Variants in SYT2 observed in about 807,000 individuals in gnomAD.
SYT2 encodes synaptotagmin-2.
Under a neutral mutation model 39.9 loss-of-function variants are expected in SYT2, and 15 were observed. That is an observed-to-expected ratio of 0.38 (90% CI 0.25 to 0.58). The LOEUF (loss-of-function observed/expected upper bound fraction) is 0.58, where lower values mean the gene tolerates loss of function less well. SYT2 is among the 20% of genes least tolerant of loss of function. The probability of loss-of-function intolerance (pLI) is 0.70; values close to 1 mark genes in which losing one functional copy is unlikely to be tolerated. For synonymous variants in SYT2, 181 were observed against 204.5 expected (o/e 0.89, Z 0.98); for missense variants, 389 against 530.3 (o/e 0.73, Z 2.62).
intron 1 of SYT2, among the ~76,000 whole-genome samples, chr1:202,624,722 AGTAGGGTGTG>A (rs1558435757): frequency 2.5e-3 from 12 of 4,756 alleles, no homozygotes; most frequent in East Asian, 5.7e-3. Context: ...TGTGGTATGT[AGTAGGGTGTG>A]TGTGGCATGT....
chr1:202,672,778 G>GAGAGAGAGA (rs1692618126), intron 1 of SYT2, among the ~76,000 whole-genome samples: 1 of 25,946 alleles, frequency 3.9e-5, no homozygotes, highest in Non-Finnish European at 1.4e-4. Context: ...AGGGAGGGAG[G>GAGAGAGAGA]GAGAGAGAGA....
chr1:202,656,278 A>G (rs1692276101), intron 1 of SYT2, among the ~76,000 whole-genome samples: 1 of 152,204 alleles, frequency 6.6e-6, no homozygotes. Flanking sequence ...CCTGCTGGTC[A>G]TTGCTGTTGG....
At chr1:202,646,825 C>T (rs963566266) in intron 1 of SYT2, among the ~76,000 whole-genome samples, 2 of 152,148 alleles carry the variant, frequency 1.3e-5, no homozygotes, top group African/African-American at 4.8e-5. Context: ...AACTATCCCT[C>T]CCCTTCCTGA....
chr1:202,616,612 T>C (rs572115093), intron 1 of SYT2, among the ~76,000 whole-genome samples: 2 of 152,330 alleles, frequency 1.3e-5, no homozygotes, highest in African/African-American at 4.8e-5. Context: ...TCTGCTGAAG[T>C]AGCTCTTTGT....
At position 202,664,611 on chromosome 1, in the gene SYT2, A is replaced by T. The variant is rs556648268; in HGVS notation, c.-18+45647T>A. Among the ~76,000 whole-genome samples the T allele has an allele frequency of 8.5e-4, 129 of 152,324 alleles. 1 individual carries two copies. The highest frequency in any genetic ancestry group is 2.9e-3 in the African/African-American group (121 of 41,566). On this transcript the variant is annotated intron_variant, in intron 1 of 8. Coordinates refer to ENST00000367268, the MANE Select transcript of SYT2 (RefSeq NM_177402.5). ...AGTTTTGCTTGTTTGAAAATCTTAC[A>T]GGAATGGAATCATTACAGGATGTAC...
intron 1 of SYT2, among the ~76,000 whole-genome samples, chr1:202,639,160 C>G (rs1039669648): frequency 1.3e-5 from 2 of 152,120 alleles, no homozygotes; most frequent in Non-Finnish European, 2.9e-5. Flanking sequence ...TGTCTGATAC[C>G]GGGTCACCTT....
At chr1:202,597,204 G>A (rs769323384) in intron 8 of SYT2, among the ~76,000 whole-genome samples, 13 of 152,182 alleles carry the variant, frequency 8.5e-5, no homozygotes, top group Non-Finnish European at 1.6e-4. Context: ...ACCCTGTTAA[G>A]CACTTGGAGG....
Position 202,602,524 on chromosome 1 carries a change from C to T in SYT2, c.487G>A (p.Ala163Thr), listed in dbSNP as rs1419758039. The change falls in exon 5 of 9, where the codon GCT becomes ACT. Residue 163 changes from alanine (A) to threonine (T), a missense_variant. Ala to Thr is a moderately conservative substitution (Grantham distance 58). Coordinates refer to ENST00000367268, the MANE Select transcript of SYT2 (RefSeq NM_177402.5). The part of the protein sequence containing the change: ...ANQLTVGVLQ[A>T]AELPALDMGG... ...ATGTCCAGGGCAGGCAGTTCAGCAGCCTGCAGAACGCCCACAGTAAGCTGT... is the reference window on the plus strand; with the variant it reads ...ATGTCCAGGGCAGGCAGTTCAGCAGTCTGCAGAACGCCCACAGTAAGCTGT... The T allele has an allele frequency of 6.2e-7, 1 of 1,613,284 alleles. No individual in the cohort carries two copies. Among genetic ancestry groups the T allele is most frequent in the South Asian group, 1.1e-5 (1 of 91,000 alleles).
At chr1:202,629,136 A>G (rs2149089365) in intron 1 of SYT2, among the ~76,000 whole-genome samples, 1 of 152,340 alleles carries the variant, frequency 6.6e-6, no homozygotes, top group East Asian at 1.9e-4. Context: ...GACCAGGTTA[A>G]GCCAATACCC....
intron 1 of SYT2, among the ~76,000 whole-genome samples, chr1:202,699,742 A>G (rs1654065282): frequency 6.6e-6 from 1 of 152,160 alleles, no homozygotes; most frequent in Non-Finnish European, 1.5e-5. Context: ...CAGAATATAC[A>G]GGGAGCTTTT....
At chr1:202,641,709 TCTTC>T (rs1322803060) in intron 1 of SYT2, among the ~76,000 whole-genome samples, 2 of 152,198 alleles carry the variant, frequency 1.3e-5, no homozygotes, top group Admixed American at 6.5e-5. Flanking sequence ...TTCCTTCAGA[TCTTC>T]CTTATCTGAG....
intron 1 of SYT2, among the ~76,000 whole-genome samples, chr1:202,663,470 CTG>C (rs1692424648): frequency 6.6e-6 from 1 of 152,192 alleles, no homozygotes; most frequent in South Asian, 2.1e-4. Context: ...CCTGAATCCC[CTG>C]TGTCTGTCCA....
intron 1 of SYT2, among the ~76,000 whole-genome samples, chr1:202,638,222 G>A (rs1200949099): frequency 6.6e-6 from 1 of 152,212 alleles, no homozygotes; most frequent in African/African-American, 2.4e-5. Flanking sequence ...TCCAGCTGGG[G>A]AAAGGCTGTG....
chr1:202,659,100 G>A (rs1189646401), intron 1 of SYT2, among the ~76,000 whole-genome samples: 1 of 152,120 alleles, frequency 6.6e-6, no homozygotes, highest in Non-Finnish European at 1.5e-5. Context: ...CCCCTTTGGA[G>A]TATCAAATAC....
chr1:202,598,204 G>A (rs1209025410), intron 8 of SYT2, among the ~76,000 whole-genome samples: 1 of 152,196 alleles, frequency 6.6e-6, no homozygotes, highest in Non-Finnish European at 1.5e-5. Context: ...TGACGCCCAG[G>A]TTTCTGACTT....
At chr1:202,652,254 T>TG (rs1342325427) in intron 1 of SYT2, among the ~76,000 whole-genome samples, 2 of 152,160 alleles carry the variant, frequency 1.3e-5, no homozygotes, top group Admixed American at 6.5e-5. Flanking sequence ...GATGGCTCCC[T>TG]GGGGAGAAAT....
chr1:202,610,578 C>T (rs915137781), intron 1 of SYT2, among the ~76,000 whole-genome samples: 47 of 152,158 alleles, frequency 3.1e-4, no homozygotes, highest in Admixed American at 5.9e-4. Context: ...AAAACCCCAT[C>T]GTCTCAGCCC....
chr1:202,688,497 C>G (rs1195219075), intron 1 of SYT2, among the ~76,000 whole-genome samples: 2 of 152,204 alleles, frequency 1.3e-5, no homozygotes, highest in East Asian at 1.9e-4. Context: ...AACCAGGTAT[C>G]AAGTGGAGAA....
chr1:202,707,200 C>G (rs1256430297), intron 1 of SYT2, among the ~76,000 whole-genome samples: 1 of 152,178 alleles, frequency 6.6e-6, no homozygotes, highest in African/African-American at 2.4e-5. Flanking sequence ...GGGCCTGCGG[C>G]TGTGCTCACC....
Sources: gnomAD v4.1 joint callset for allele counts (sites outside exome capture counted in the v4.1 genomes callset) on GRCh38, gnomAD v4.1.1 for gene constraint, MANE v1.5 for transcripts, NCBI Gene and HGNC (gene_info 2026-07-23, HGNC 2026-07-21) for gene names.